Variants in SPPL3 observed in about 807,000 individuals in gnomAD.
SPPL3 encodes signal peptide peptidase-like 3.
Under a neutral mutation model 42.4 loss-of-function variants are expected in SPPL3, and 5 were observed. The ratio of observed to expected loss-of-function variants is 0.12; its 90% CI spans 0.06 to 0.25. SPPL3 has a LOEUF of 0.25. Among genes scored for constraint, SPPL3 ranks in the 10% least tolerant of loss-of-function variants. The probability of loss-of-function intolerance (pLI) is 1.00; values close to 1 mark genes in which losing one functional copy is unlikely to be tolerated. For synonymous variants in SPPL3, 195 were observed against 181.8 expected (o/e 1.07, Z -0.58); for missense variants, 235 against 489.0 (o/e 0.48, Z 4.90).
At chr12:120,888,357 T>C (rs1873529604) in intron 1 of SPPL3, among the ~76,000 whole-genome samples, 1 of 152,168 alleles carries the variant, frequency 6.6e-6, no homozygotes, top group Admixed American at 6.5e-5. Context: ...ATTACAGGCA[T>C]GAGCCACCAC....
chr12:120,871,643 C>T (rs1872934975), intron 1 of SPPL3, among the ~76,000 whole-genome samples: 1 of 151,932 alleles, frequency 6.6e-6, no homozygotes, highest in Non-Finnish European at 1.5e-5. Flanking sequence ...ATCCCACCTA[C>T]TCGGGCGGCT....
At chr12:120,774,535 A>G (rs1345782958) in intron 6 of SPPL3, among the ~76,000 whole-genome samples, 2 of 152,054 alleles carry the variant, frequency 1.3e-5, no homozygotes, top group Non-Finnish European at 2.9e-5. Context: ...CCTCTTTCCA[A>G]TTAGACCATC....
chr12:120,897,898 C>T (rs928857367), intron 1 of SPPL3, among the ~76,000 whole-genome samples: 1 of 151,964 alleles, frequency 6.6e-6, no homozygotes, highest in African/African-American at 2.4e-5. Context: ...GATATGGAGA[C>T]CTGTGTTATT....
At chr12:120,895,738 A>G (rs1873780448) in intron 1 of SPPL3, among the ~76,000 whole-genome samples, 1 of 121,580 alleles carries the variant, frequency 8.2e-6, no homozygotes, top group Admixed American at 1.0e-4. Flanking sequence ...TATGTGCATT[A>G]TCTCACTAAA....
chr12:120,891,736 TAAAAA>T (rs5801407), intron 1 of SPPL3, among the ~76,000 whole-genome samples: 8 of 134,642 alleles, frequency 5.9e-5, no homozygotes, highest in Non-Finnish European at 7.9e-5. Flanking sequence ...TTGCAAATTC[TAAAAA>T]AAAAAAAAAA....
At chr12:120,808,345 G>T (rs918737737) in intron 2 of SPPL3, among the ~76,000 whole-genome samples, 1 of 152,016 alleles carries the variant, frequency 6.6e-6, no homozygotes, top group African/African-American at 2.4e-5. Context: ...CAAAGTGCTG[G>T]GATTACAGGT....
At chr12:120,895,150 G>T (rs58918988) in intron 1 of SPPL3, among the ~76,000 whole-genome samples, 1 of 151,330 alleles carries the variant, frequency 6.6e-6, no homozygotes, top group Non-Finnish European at 1.5e-5. Flanking sequence ...AAAACAGGTC[G>T]GGCATGGTGG....
At chr12:120,793,571 G>C (rs1869993781) in intron 2 of SPPL3, among the ~76,000 whole-genome samples, 1 of 152,228 alleles carries the variant, frequency 6.6e-6, no homozygotes, top group South Asian at 2.1e-4. Flanking sequence ...TGTTGGCAAG[G>C]ACACAAGGAT....
chr12:120,836,485 C>A (rs1871624741), intron 1 of SPPL3, among the ~76,000 whole-genome samples: 1 of 152,064 alleles, frequency 6.6e-6, no homozygotes, highest in Admixed American at 6.6e-5. Context: ...GTGAATGAGA[C>A]CATCCTGATC....
intron 1 of SPPL3, among the ~76,000 whole-genome samples, chr12:120,888,857 G>A (rs73217021): frequency 1.2e-4 from 19 of 152,038 alleles, no homozygotes; most frequent in Non-Finnish European, 2.4e-4. Flanking sequence ...CACCCAGGGC[G>A]GAGTACAATG....
intron 1 of SPPL3, among the ~76,000 whole-genome samples, chr12:120,823,686 C>A (rs1871145114): frequency 6.6e-6 from 1 of 152,122 alleles, no homozygotes; most frequent in Non-Finnish European, 1.5e-5. Flanking sequence ...TCTATATAGG[C>A]TGATGATTCC....
intron 3 of SPPL3, among the ~76,000 whole-genome samples, chr12:120,787,200 T>G (rs2136982097): frequency 6.6e-6 from 1 of 152,298 alleles, no homozygotes; most frequent in South Asian, 2.1e-4. Context: ...CCAGATCTCA[T>G]GAAGTTTACA....
chr12:120,804,905 T>C (rs1444011053), intron 2 of SPPL3, among the ~76,000 whole-genome samples: 3 of 152,212 alleles, frequency 2.0e-5, no homozygotes, highest in Admixed American at 6.5e-5. Flanking sequence ...TAAAAAGGAA[T>C]GAAATACTGA....
intron 1 of SPPL3, among the ~76,000 whole-genome samples, chr12:120,837,037 T>A (rs1871644452): frequency 6.6e-6 from 1 of 152,164 alleles, no homozygotes; most frequent in African/African-American, 2.4e-5. Context: ...CAATAAAAAT[T>A]TCAAAATGGT....
intron 2 of SPPL3, among the ~76,000 whole-genome samples, chr12:120,799,463 T>C (rs914735805): frequency 1.3e-5 from 2 of 152,288 alleles, no homozygotes; most frequent in South Asian, 2.1e-4. Context: ...TAGCAGAAAG[T>C]AGTGGTCAAC....
intron 3 of SPPL3, among the ~76,000 whole-genome samples, chr12:120,788,184 C>G (rs928034170): frequency 8.5e-5 from 13 of 152,272 alleles, no homozygotes; most frequent in South Asian, 2.1e-4. Context: ...TGGGAATGGT[C>G]AAGGTTTTTA....
chr12:120,872,972 C>A (rs552816488), intron 1 of SPPL3, among the ~76,000 whole-genome samples: 1 of 151,700 alleles, frequency 6.6e-6, no homozygotes, highest in Non-Finnish European at 1.5e-5. Flanking sequence ...TCCAGGCATA[C>A]GAAGAAGTGA....
intron 1 of SPPL3, among the ~76,000 whole-genome samples, chr12:120,815,311 A>C (rs1315872585): frequency 6.6e-6 from 1 of 152,236 alleles, no homozygotes; most frequent in East Asian, 1.9e-4. Context: ...CCCATCTGAG[A>C]GATGAAAACT....
chr12:120,844,343 T>C (rs958193085), intron 1 of SPPL3, among the ~76,000 whole-genome samples: 1 of 152,166 alleles, frequency 6.6e-6, no homozygotes, highest in South Asian at 2.1e-4. Flanking sequence ...ACTACTGCAA[T>C]AGTCTCCTAA....
Sources: gnomAD v4.1 joint callset for allele counts (sites outside exome capture counted in the v4.1 genomes callset) on GRCh38, gnomAD v4.1.1 for gene constraint, MANE v1.5 for transcripts, NCBI Gene and HGNC (gene_info 2026-07-23, HGNC 2026-07-21) for gene names.